Variants in CEP55 observed in about 807,000 individuals in gnomAD.
The protein encoded by CEP55 is centrosomal protein 55.
Under a neutral mutation model 63.2 loss-of-function variants are expected in CEP55, and 57 were observed. That is an observed-to-expected ratio of 0.90 (90% confidence interval 0.73 to 1.13). The LOEUF (loss-of-function observed/expected upper bound fraction) is 1.13. Among genes scored for constraint, CEP55 ranks in the 50% most tolerant of loss-of-function variants. The pLI, the probability that CEP55 is intolerant of heterozygous loss-of-function variation, is 0.00. For missense variants in CEP55, 456 were observed against 518.9 expected, an observed-to-expected ratio of 0.88 and a Z score of 1.18; for synonymous variants, 178 against 191.6, an observed-to-expected ratio of 0.93 and a Z score of 0.59.
intron 4 of CEP55, among the ~76,000 whole-genome samples, chr10:93,512,746 G>A (rs1351427716): frequency 1.3e-5 from 2 of 152,038 alleles, no homozygotes; most frequent in African/African-American, 2.4e-5. Flanking sequence ...TTTCTCATGA[G>A]TCCTTTCTTT....
chr10:93,519,887 C>T (rs1349669349), intron 8 of CEP55, 80 bp downstream of exon 8: 29 of 1,481,316 alleles, frequency 2.0e-5, no homozygotes, highest in Non-Finnish European at 2.7e-5. Flanking sequence ...TAGGAGGATA[C>T]AGCTTAACAC....
Position 93,522,563 on chromosome 10 carries a change from T to G in CEP55, c.1191+2756T>G, listed in dbSNP as rs530186912. The stretch of plus-strand genomic sequence containing the variant: ...CCCAGTCTAGCAAGGCAGGCCAACA[T>G]TCAAATTCAGGAAATACAGAGAATG... On this transcript the variant is annotated intron_variant, in intron 8 of 8. Coordinates refer to ENST00000371485, the MANE Select transcript of CEP55 (RefSeq NM_018131.5). 5.5e-3 allele frequency among the ~76,000 whole-genome samples: 835 copies of G among 152,170 alleles called. 6 individuals carry two copies. Among genetic ancestry groups the G allele is most frequent in the Non-Finnish European group, 9.4e-3 (640 of 68,018 alleles).
At chr10:93,506,617 G>A (rs924733777) in intron 3 of CEP55, among the ~76,000 whole-genome samples, 1 of 152,052 alleles carries the variant, frequency 6.6e-6, no homozygotes, top group Non-Finnish European at 1.5e-5. Context: ...GCTCAGGCTG[G>A]AGTGCAGTGG....
chr10:93,500,046 T>C lies in CEP55; in HGVS notation c.-6T>C, dbSNP rs768265372. Reference sequence around the variant, plus strand: ...TTGATTTTTATTTTTACAGACCATTTCAGAGATGTCTTCCAGAAGTACCAA... The same window carrying C: ...TTGATTTTTATTTTTACAGACCATTCCAGAGATGTCTTCCAGAAGTACCAA... On this transcript the variant is annotated 5_prime_UTR_variant, in exon 2 of 9. Coordinates refer to ENST00000371485, the MANE Select transcript of CEP55 (RefSeq NM_018131.5). 6.3e-7 allele frequency: 1 copy of C among 1,593,962 alleles called. No individual in the cohort carries two copies. The highest frequency in any genetic ancestry group is 1.1e-5 in the South Asian group (1 of 88,456).
At chr10:93,518,531 T>G (rs962295914) in intron 6 of CEP55, among the ~76,000 whole-genome samples, 1 of 152,182 alleles carries the variant, frequency 6.6e-6, no homozygotes, top group African/African-American at 2.4e-5. Context: ...AGTCTGCTGA[T>G]TAAATTTTGC....
At chr10:93,501,746 C>A (rs1431291694) in intron 2 of CEP55, among the ~76,000 whole-genome samples, 3 of 152,104 alleles carry the variant, frequency 2.0e-5, no homozygotes, top group Non-Finnish European at 2.9e-5. Context: ...TCTAAACAGG[C>A]ACATAATGAA....
intron 2 of CEP55, 34 bp from the exon 3 acceptor site, chr10:93,503,079 C>T (rs772522339): frequency 6.3e-7 from 1 of 1,585,584 alleles, no homozygotes; most frequent in Non-Finnish European, 8.6e-7. Context: ...TTTGACCTGG[C>T]TTTGTTCTAA....
intron 5 of CEP55, among the ~76,000 whole-genome samples, chr10:93,515,815 T>C (rs1334317119): frequency 1.3e-5 from 2 of 152,190 alleles, no homozygotes; most frequent in African/African-American, 2.4e-5. Context: ...ATGAATGTCC[T>C]TCCCCTTTTT....
intron 2 of CEP55, among the ~76,000 whole-genome samples, chr10:93,502,585 G>A (rs945577413): frequency 2.6e-5 from 4 of 152,106 alleles, no homozygotes; most frequent in Non-Finnish European, 4.4e-5. Context: ...AAGATGTTAA[G>A]CATTCCTTTA....
intron 1 of CEP55, among the ~76,000 whole-genome samples, chr10:93,498,358 T>A (rs565058702): frequency 6.6e-6 from 1 of 152,270 alleles, no homozygotes; most frequent in East Asian, 1.9e-4. Flanking sequence ...ATTTTGTGTC[T>A]CAATGACTTG....
At position 93,503,288 on chromosome 10, in the gene CEP55, C is replaced by G. The variant is rs763450062; in HGVS notation, c.359C>G (p.Ala120Gly). 1.2e-6 allele frequency: 2 copies of G among 1,614,132 alleles called. No homozygotes were observed. Among genetic ancestry groups the G allele is most frequent in the Non-Finnish European group, 1.7e-6 (2 of 1,180,012 alleles). ...EGERREQVLK[A>G]LSEEKDVLKQ... is the part of the protein sequence containing the mutation. ...GAAAGGAGGGAGCAGGTGTTGAAAGCCTTATCTGAAGAGAAAGACGTATTG... is the reference window on the plus strand; with the variant it reads ...GAAAGGAGGGAGCAGGTGTTGAAAGGCTTATCTGAAGAGAAAGACGTATTG... Residue 120 changes from alanine to glycine, a missense_variant, in exon 3 of 9, where the codon GCC becomes GGC. Coordinates refer to ENST00000371485, the MANE Select transcript of CEP55 (RefSeq NM_018131.5).
In CEP55 at chr10:93,519,498, A is replaced by G. The variant is rs1281827411; in HGVS notation, c.1066-184A>G. Among the ~76,000 whole-genome samples the G allele has an allele frequency of 2.0e-5, 3 of 152,194 alleles. No homozygotes were observed. The East Asian group carries it at 5.8e-4, about 29-fold the overall frequency. On this transcript the variant is annotated intron_variant, in intron 7 of 8. Transcript: ENST00000371485. Reference sequence around the variant, plus strand: ...CCTCAGCGTTGGCTTTGCTCCTTGGATAAACCAAATCCTCAGCCATAAGCT... The same window carrying G: ...CCTCAGCGTTGGCTTTGCTCCTTGGGTAAACCAAATCCTCAGCCATAAGCT...
chr10:93,504,363 T>C (rs1274925498), intron 3 of CEP55, among the ~76,000 whole-genome samples: 6 of 151,934 alleles, frequency 3.9e-5, no homozygotes, highest in Non-Finnish European at 8.8e-5. Flanking sequence ...ATCCCAGCTA[T>C]TCGGGAGGCT....
chr10:93,503,542 C>T (rs2057656832), intron 3 of CEP55, among the ~76,000 whole-genome samples, 154 bp downstream of exon 3: 1 of 151,860 alleles, frequency 6.6e-6, no homozygotes, highest in African/African-American at 2.4e-5. Context: ...TTTTTAATAG[C>T]CCAGTCCCTT....
intron 3 of CEP55, 81 bp downstream of exon 3, chr10:93,503,469 A>G: frequency 1.5e-6 from 2 of 1,350,942 alleles, no homozygotes; most frequent in Non-Finnish European, 2.0e-6. Flanking sequence ...GAGTTTGTTA[A>G]GACATGCTTC....
intron 3 of CEP55, 21 bp from the exon 4 acceptor site, chr10:93,506,967 C>T (rs2057695438): frequency 7.5e-6 from 11 of 1,469,674 alleles, no homozygotes; most frequent in Non-Finnish European, 1.0e-5. Context: ...CTGATGTTAA[C>T]TAATGTTGGA....
rs368046313 is a variant in CEP55 at position 93,514,019 on chromosome 10, A to G, written c.529-1386A>G. ...GAGTGCAGTGGCGCAATCTTGGCTC[A>G]CTGCAACCTCCGCCTCCCGCATTCA... On this transcript the variant is annotated intron_variant, in intron 4 of 8. Coordinates refer to ENST00000371485, the MANE Select transcript of CEP55 (RefSeq NM_018131.5). Among the ~76,000 whole-genome samples, 49 of 148,936 alleles carry G rather than the reference A, an allele frequency of 3.3e-4. No homozygotes were observed. The East Asian group carries it at 6.8e-3, about 21-fold the overall frequency.
At chr10:93,521,472 C>T (rs534883128) in intron 8 of CEP55, among the ~76,000 whole-genome samples, 6 of 152,254 alleles carry the variant, frequency 3.9e-5, no homozygotes, top group South Asian at 2.1e-4. Flanking sequence ...TGGAGCCCAC[C>T]GCAGCTCAAG....
intron 3 of CEP55, among the ~76,000 whole-genome samples, chr10:93,504,346 A>C (rs560400644): frequency 1.3e-5 from 2 of 152,118 alleles, no homozygotes; most frequent in Non-Finnish European, 2.9e-5. Context: ...GACGGCACGC[A>C]TCTGTAATCC....
Sources: gnomAD v4.1 joint callset for allele counts (sites outside exome capture counted in the v4.1 genomes callset) on GRCh38, gnomAD v4.1.1 for gene constraint, MANE v1.5 for transcripts, NCBI Gene and HGNC (gene_info 2026-07-23, HGNC 2026-07-21) for gene names.